The following TTC1 variants were observed in gnomAD, a reference collection of about 807,000 sequenced individuals.
TTC1 encodes the protein tetratricopeptide repeat domain 1, also known as tetratricopeptide repeat protein 1.
Under a neutral mutation model 37.6 loss-of-function variants are expected in TTC1, and 31 were observed. The observed-to-expected ratio is 0.82, with a 90% CI of 0.62 to 1.11. TTC1 has a LOEUF of 1.11. Among genes scored for constraint, TTC1 ranks in the 50% most tolerant of loss-of-function variants. The pLI, the probability that TTC1 is intolerant of heterozygous loss-of-function variation, is 0.00. For synonymous variants in TTC1, 127 were observed against 122.4 expected (o/e 1.04, Z -0.25); for missense variants, 351 against 339.0 (o/e 1.04, Z -0.28).
chr5:160,053,780 G>C (rs1198118074), intron 7 of TTC1, among the ~76,000 whole-genome samples: 1 of 152,130 alleles, frequency 6.6e-6, no homozygotes, highest in African/African-American at 2.4e-5. Flanking sequence ...TTTTTATTTA[G>C]ATGTGTTCAG....
At chr5:160,025,947 G>A (rs762305689) in intron 2 of TTC1, among the ~76,000 whole-genome samples, 18 of 152,190 alleles carry the variant, frequency 1.2e-4, no homozygotes, top group Non-Finnish European at 2.4e-4. Context: ...TTAACTTGGC[G>A]TAAAGTGGGA....
At chr5:160,035,093 T>C (rs761803490) in intron 2 of TTC1, 47 bp from the exon 3 acceptor site, 2 of 1,522,060 alleles carry the variant, frequency 1.3e-6, no homozygotes, top group South Asian at 2.6e-5. Flanking sequence ...TTTTGTTCAC[T>C]TATAATAATA....
In TTC1 at chr5:160,035,161, A is replaced by G. The variant is rs367808234; in HGVS notation, c.352A>G (p.Arg118Gly). Residue 118 changes from arginine to glycine, a missense_variant, in exon 3 of 8, where the codon AGA becomes GGA. Arg to Gly is a moderately radical substitution (Grantham distance 125, BLOSUM62 -2). Transcript: ENST00000231238. ...TCAGAAAAGAAGAGAAGAGAGCACT[A>G]GACTAAAGGAGGAGGGAAATGAACA... is the stretch of plus-strand genomic sequence containing the variant. ...EKQKRREEST[R>G]LKEEGNEQFK... The G allele has an allele frequency of 1.2e-6, 2 of 1,604,632 alleles. No homozygotes were observed. The highest frequency in any genetic ancestry group is 2.7e-5 in the African/African-American group (2 of 74,348).
chr5:160,024,130 T>C, intron 2 of TTC1: 1 of 646,120 alleles, frequency 1.5e-6, no homozygotes, highest in Non-Finnish European at 2.8e-6. Flanking sequence ...GCACAGTGCC[T>C]ACACATTCTG....
At chr5:160,052,848 A>G (rs942337564) in intron 7 of TTC1, among the ~76,000 whole-genome samples, 3 of 152,230 alleles carry the variant, frequency 2.0e-5, no homozygotes, top group African/African-American at 7.2e-5. Flanking sequence ...AAAAAATTCA[A>G]ATTGAATTCA....
In TTC1 at chr5:160,049,637, T is replaced by C. The variant is rs1215348519; in HGVS notation, c.665T>C (p.Ile222Thr). ...YKSILEKDPS[I>T]HQAREACMRL... ...TCTATATTAGAAAAAGATCCATCAA[T>C]ACATCAAGCAAGAGAAGCTTGTATG... is the stretch of plus-strand genomic sequence containing the variant. The change falls in exon 6 of 8, where the codon ATA (isoleucine) becomes ACA (threonine). Residue 222 changes from isoleucine to threonine, a missense_variant. Physicochemically the swap from Ile to Thr is moderately conservative, Grantham distance 89. Transcript: ENST00000231238. 1 of 1,591,504 alleles carries C rather than the reference T, an allele frequency of 6.3e-7. No individual in the cohort carries two copies. The highest frequency in any genetic ancestry group is 8.5e-7 in the Non-Finnish European group (1 of 1,173,802).
At position 160,056,339 on chromosome 5, in the gene TTC1, C is replaced by A. The variant is rs541892977; in HGVS notation, c.745+5156C>A. Among the ~76,000 whole-genome samples, 7 of 152,278 alleles carry A rather than the reference C, an allele frequency of 4.6e-5. No homozygotes were observed. In the East Asian group the frequency reaches 1.4e-3, roughly 29 times the overall value. ...GGAACATATTCCTGGTGTCCTGATTCTTAAAGTCACTCAGTTGTTCACTCC... is the reference window on the plus strand; with the variant it reads ...GGAACATATTCCTGGTGTCCTGATTATTAAAGTCACTCAGTTGTTCACTCC... On this transcript the variant is annotated intron_variant, in intron 7 of 7. Coordinates refer to ENST00000231238, the MANE Select transcript of TTC1 (RefSeq NM_003314.3).
intron 5 of TTC1, 103 bp from the exon 6 acceptor site, chr5:160,049,411 C>T: frequency 8.8e-7 from 1 of 1,138,400 alleles, no homozygotes; most frequent in East Asian, 2.8e-5. Context: ...AATGACTCTT[C>T]CTTTCGTATC....
chr5:160,011,250 C>T (rs1756498369), intron 2 of TTC1, among the ~76,000 whole-genome samples: 1 of 151,928 alleles, frequency 6.6e-6, no homozygotes, highest in Non-Finnish European at 1.5e-5. Flanking sequence ...TGTTTATGAA[C>T]ATTTCCTGTT....
At chr5:160,054,674 G>A (rs575193874) in intron 7 of TTC1, among the ~76,000 whole-genome samples, 3 of 152,014 alleles carry the variant, frequency 2.0e-5, no homozygotes, top group Admixed American at 6.6e-5. Flanking sequence ...AAAAAGTAGC[G>A]TTTTATATAA....
At chr5:160,027,180 C>T (rs1240585272) in intron 2 of TTC1, among the ~76,000 whole-genome samples, 1 of 152,064 alleles carries the variant, frequency 6.6e-6, no homozygotes, top group Non-Finnish European at 1.5e-5. Flanking sequence ...AGGTGCACAC[C>T]ACCATGCCCA....
At chr5:160,023,603 T>C in intron 2 of TTC1, 1 of 686,722 alleles carries the variant, frequency 1.5e-6, no homozygotes, top group Non-Finnish European at 2.5e-6. Context: ...TTAGGTAGTT[T>C]CGTGTTTTAT....
chr5:160,048,126 C>CTTTTTTTTT lies in TTC1; in HGVS notation c.542-1360_542-1352dup, dbSNP rs56201199. Among the ~76,000 whole-genome samples, 8 of 35,570 alleles carry CTTTTTTTTT rather than the reference C, an allele frequency of 2.2e-4. 1 individual carries two copies. Among genetic ancestry groups the CTTTTTTTTT allele is most frequent in the African/African-American group, 8.5e-4 (7 of 8,212 alleles). 23.3% of individuals were successfully genotyped at this position (35,570 alleles called of 152,430 possible). On this transcript the variant is annotated intron_variant, in intron 5 of 7. Coordinates refer to ENST00000231238, the MANE Select transcript of TTC1 (RefSeq NM_003314.3). ...AAAAAGTTCTAGAGCCAAGACATTG[C>CTTTTTTTTT]TTTTTTTTTTTTTTTTTTTTTTTTT...
intron 3 of TTC1, 141 bp downstream of exon 3, chr5:160,035,341 C>A: frequency 1.7e-6 from 1 of 581,478 alleles, no homozygotes. Flanking sequence ...AGTACCTTGG[C>A]ATTTTGAGTT....
intron 4 of TTC1, among the ~76,000 whole-genome samples, chr5:160,037,019 CT>C (rs1757009609): frequency 6.6e-6 from 1 of 152,144 alleles, no homozygotes; most frequent in Non-Finnish European, 1.5e-5. Flanking sequence ...TGAGTGAATA[CT>C]TTCATGGAAG....
At chr5:160,044,800 A>C (rs573498471) in intron 5 of TTC1, among the ~76,000 whole-genome samples, 5 of 152,308 alleles carry the variant, frequency 3.3e-5, no homozygotes, top group African/African-American at 1.2e-4. Context: ...GCAGCCCAGT[A>C]GGTCTCAGCC....
Position 160,065,138 on chromosome 5 carries a change from G to T in TTC1, c.*73G>T. On this transcript the variant is annotated 3_prime_UTR_variant, in exon 8 of 8. Coordinates refer to ENST00000231238, the MANE Select transcript of TTC1 (RefSeq NM_003314.3). ...TGCTGTTAGCTAGGGGAAAGGCCCT[G>T]CCAATGTTTAACTTTTAAAAGCATC... The T allele has an allele frequency of 6.4e-7, 1 of 1,565,546 alleles. No homozygotes were observed. The highest frequency in any genetic ancestry group is 8.6e-7 in the Non-Finnish European group (1 of 1,160,724).
intron 7 of TTC1, among the ~76,000 whole-genome samples, chr5:160,052,710 C>G (rs192084003): frequency 6.6e-6 from 1 of 152,250 alleles, no homozygotes; most frequent in Admixed American, 6.5e-5. Flanking sequence ...CAAACTGAAT[C>G]TTACTGCCTA....
At chr5:160,019,029 C>A (rs1432588522) in intron 2 of TTC1, among the ~76,000 whole-genome samples, 1 of 152,158 alleles carries the variant, frequency 6.6e-6, no homozygotes, top group African/African-American at 2.4e-5. Context: ...TGAACTTATC[C>A]AGGTTCTGGT....
Sources: gnomAD v4.1 joint callset for allele counts (sites outside exome capture counted in the v4.1 genomes callset) on GRCh38, gnomAD v4.1.1 for gene constraint, MANE v1.5 for transcripts, NCBI Gene and HGNC (gene_info 2026-07-23, HGNC 2026-07-21) for gene names.